PRKN: variants seen among roughly 807,000 people sequenced by gnomAD.
PRKN encodes the protein parkin RBR E3 ubiquitin protein ligase.
A neutral mutation model predicts 59.5 loss-of-function variants in PRKN; 56 were observed. The ratio of observed to expected loss-of-function variants is 0.94; its 90% confidence interval spans 0.76 to 1.18. PRKN has a LOEUF of 1.18. Ranked by LOEUF, PRKN falls within the 50% of genes most tolerant of loss-of-function variation. The pLI, the probability that PRKN is intolerant of heterozygous loss-of-function variation, is 0.00. For missense variants in PRKN, 657 were observed against 596.4 expected (o/e 1.10, Z -1.06); for synonymous variants, 250 against 222.1 (o/e 1.13, Z -1.12).
intron 5 of PRKN, among the ~76,000 whole-genome samples, chr6:162,004,370 T>C (rs939055145): frequency 2.0e-5 from 3 of 152,148 alleles, no homozygotes; most frequent in African/African-American, 4.8e-5. Flanking sequence ...TCACTATGCT[T>C]CCTGTACAGC....
chr6:162,434,248 C>T (rs1789669032), intron 2 of PRKN, among the ~76,000 whole-genome samples: 1 of 152,134 alleles, frequency 6.6e-6, no homozygotes, highest in Non-Finnish European at 1.5e-5. Flanking sequence ...GATACTAGAA[C>T]ACTATACTGA....
intron 2 of PRKN, among the ~76,000 whole-genome samples, chr6:162,319,083 C>G (rs1402282704): frequency 6.6e-6 from 1 of 151,888 alleles, no homozygotes; most frequent in African/African-American, 2.4e-5. Context: ...CCTTGGCACT[C>G]AAGAAATATT....
chr6:161,626,732 G>A (rs193011260), intron 7 of PRKN, among the ~76,000 whole-genome samples: 195 of 152,236 alleles, frequency 1.3e-3, no homozygotes, highest in Non-Finnish European at 2.2e-3. Flanking sequence ...TTAGGGAACC[G>A]GGCCGCTTAC....
intron 2 of PRKN, among the ~76,000 whole-genome samples, chr6:162,320,587 A>C (rs1013350732): frequency 2.6e-5 from 4 of 151,720 alleles, no homozygotes; most frequent in African/African-American, 9.7e-5. Flanking sequence ...TTAAAAATAA[A>C]AAGACTATTT....
chr6:161,909,945 G>A (rs893686292), intron 6 of PRKN, among the ~76,000 whole-genome samples: 23 of 152,104 alleles, frequency 1.5e-4, no homozygotes, highest in Admixed American at 4.6e-4. Flanking sequence ...AAAACATGCC[G>A]GTGGGGGAAG....
At chr6:162,315,258 T>C (rs1782702847) in intron 2 of PRKN, among the ~76,000 whole-genome samples, 1 of 152,184 alleles carries the variant, frequency 6.6e-6, no homozygotes, top group South Asian at 2.1e-4. Context: ...CTAACTGCAT[T>C]ACAATTTTTC....
intron 1 of PRKN, among the ~76,000 whole-genome samples, chr6:162,601,632 T>C (rs1218666084): frequency 1.3e-5 from 2 of 152,176 alleles, no homozygotes; most frequent in African/African-American, 4.8e-5. Flanking sequence ...TTCTGAAGTA[T>C]AGCTAGGATC....
At position 161,645,750 on chromosome 6, in the gene PRKN, G is replaced by A. The variant is rs139229146; in HGVS notation, c.872-76334C>T. ...CCATCACTTTGTATTGCATGGACAC[G>A]GGGTTTAAGAGCAGAATAATGGCAC... On this transcript the variant is annotated intron_variant, in intron 7 of 11. Transcript: ENST00000366898. Among the ~76,000 whole-genome samples the A allele has an allele frequency of 7.2e-5, 11 of 152,352 alleles. No individual in the cohort carries two copies. In the East Asian group the frequency reaches 1.7e-3, roughly 24 times the overall value.
intron 5 of PRKN, among the ~76,000 whole-genome samples, chr6:162,038,569 A>G (rs928969750): frequency 2.6e-5 from 4 of 152,248 alleles, no homozygotes; most frequent in Admixed American, 2.6e-4. Context: ...GTATCATAAC[A>G]AAAGTTCAAA....
At chr6:162,377,558 C>T (rs563827066) in intron 2 of PRKN, among the ~76,000 whole-genome samples, 57 of 152,280 alleles carry the variant, frequency 3.7e-4, no homozygotes, top group African/African-American at 1.4e-3. Flanking sequence ...CTATTCAGTT[C>T]GATTCATCAC....
rs898173198 is a variant in PRKN at position 161,484,103 on chromosome 6, T to C, written c.1083+64751A>G. On this transcript the variant is annotated intron_variant, in intron 9 of 11. Transcript: ENST00000366898. The surrounding 1 kb of genome is among the most constrained non-coding windows in gnomAD (Gnocchi z 4.9). ...AATACCTAGGTGATGGGTTGATCTGTGCAGCAAAACACCATGGCACACGTT... is the reference window on the plus strand; with the variant it reads ...AATACCTAGGTGATGGGTTGATCTGCGCAGCAAAACACCATGGCACACGTT... Among the ~76,000 whole-genome samples the C allele has an allele frequency of 6.6e-6, 1 of 152,096 alleles. No individual in the cohort carries two copies. Among genetic ancestry groups the C allele is most frequent in the African/African-American group, 2.4e-5 (1 of 41,414 alleles).
chr6:161,412,523 C>T (rs1787627457), intron 9 of PRKN, among the ~76,000 whole-genome samples: 1 of 150,038 alleles, frequency 6.7e-6, no homozygotes, highest in South Asian at 2.2e-4. Context: ...TCATTCCTTC[C>T]TCACTCGTTC....
chr6:162,138,593 T>G (rs73783420), intron 4 of PRKN, among the ~76,000 whole-genome samples: 1 of 152,038 alleles, frequency 6.6e-6, no homozygotes, highest in African/African-American at 2.4e-5. Context: ...ATGACAGAGA[T>G]AATGAAATTC....
At position 162,472,468 on chromosome 6, in the gene PRKN, T is replaced by TA. The variant is rs1385821060; in HGVS notation, c.8-28996_8-28995insT. Among the ~76,000 whole-genome samples, 112 of 104,034 alleles carry TA rather than the reference T, an allele frequency of 1.1e-3. 7 individuals carry two copies. The highest frequency in any genetic ancestry group is 4.9e-3 in the Middle Eastern group (1 of 204). The allele number at this position is 104,034 out of a possible 152,430, so 68.3% of individuals were successfully genotyped here. Reference sequence around the variant, plus strand: ...AGTCCAAACTCTAACTTTTATTTTATTTTATTTTATTTTATTTTATTTTAT... The same window carrying TA: ...AGTCCAAACTCTAACTTTTATTTTATATTTATTTTATTTTATTTTATTTTAT... On this transcript the variant is annotated intron_variant, in intron 1 of 11. Coordinates refer to ENST00000366898, the MANE Select transcript of PRKN (RefSeq NM_004562.3).
intron 1 of PRKN, among the ~76,000 whole-genome samples, chr6:162,706,132 T>TAAAAAAA (rs766578797): frequency 1.9e-5 from 2 of 106,552 alleles, no homozygotes. Flanking sequence ...ACCTGAAGGT[T>TAAAAAAA]AAAAAAAAAA....
intron 1 of PRKN, among the ~76,000 whole-genome samples, chr6:162,599,945 A>G (rs1053545970): frequency 1.3e-5 from 2 of 152,210 alleles, no homozygotes; most frequent in Admixed American, 6.6e-5. Context: ...CCATGTATCC[A>G]AATACCAGGC....
chr6:162,426,125 T>A (rs768067342), intron 2 of PRKN, among the ~76,000 whole-genome samples: 1 of 152,144 alleles, frequency 6.6e-6, no homozygotes, highest in Admixed American at 6.6e-5. Flanking sequence ...ATAAGACAAG[T>A]TATTCCTAAA....
At chr6:161,425,181 A>G (rs1021722051) in intron 9 of PRKN, among the ~76,000 whole-genome samples, 2 of 152,118 alleles carry the variant, frequency 1.3e-5, no homozygotes, top group Non-Finnish European at 2.9e-5. Flanking sequence ...AGGCTCATAT[A>G]ACTACTTTGA....
At chr6:162,201,339 T>C (rs1784723284) in intron 3 of PRKN, 87 bp from the exon 4 acceptor site, 2 of 1,266,490 alleles carry the variant, frequency 1.6e-6, no homozygotes, top group African/African-American at 1.5e-5. Context: ...TAGAGGCAAA[T>C]TTTAAAACTC....
Sources: allele counts gnomAD v4.1 joint callset (sites outside exome capture counted in the v4.1 genomes callset), GRCh38; gene constraint gnomAD v4.1.1; non-coding constraint Gnocchi (gnomAD v3.1); transcripts MANE v1.5; gene names NCBI Gene and HGNC (gene_info 2026-07-23, HGNC 2026-07-21).